Variants in MDN1 observed in about 807,000 individuals in gnomAD.
MDN1 encodes midasin AAA ATPase 1.
In MDN1, 266 loss-of-function variants were observed where a neutral mutation model predicts 669.2. The ratio of observed to expected loss-of-function variants is 0.40; its 90% CI spans 0.36 to 0.44. The LOEUF is 0.44. Among genes scored for constraint, MDN1 ranks in the 20% least tolerant of loss-of-function variants. The pLI, the probability that MDN1 is intolerant of heterozygous loss-of-function variation, is 1.00. For synonymous variants in MDN1, 2,385 were observed against 2,457.1 expected (o/e 0.97, Z 0.87); for missense variants, 5,940 against 6,754.0 (o/e 0.88, Z 4.22).
rs1283312452 is a variant in MDN1 at position 89,794,718 on chromosome 6, T to C, written c.413A>G (p.Tyr138Cys). The change falls in exon 3 of 102, where the codon TAT becomes TGT. Residue 138 changes from tyrosine to cysteine, a missense_variant. Tyr to Cys is a radical substitution (Grantham distance 194, BLOSUM62 -2). Coordinates refer to ENST00000369393, the MANE Select transcript of MDN1 (RefSeq NM_014611.3). ...LESSDANPVR[Y>C]GRRRMKLRDL... ...CCGGAGCTTCATCCTCCTACGTCCA[T>C]AGCGTACTGGATTAGCATCTGAACT... 3.1e-6 allele frequency: 5 copies of C among 1,614,066 alleles called. No homozygotes were observed. The highest frequency in any genetic ancestry group is 4.2e-6 in the Non-Finnish European group (5 of 1,180,036).
At chr6:89,757,230 A>G (rs1222778408) in intron 19 of MDN1, among the ~76,000 whole-genome samples, 1 of 152,220 alleles carries the variant, frequency 6.6e-6, no homozygotes, top group Admixed American at 6.5e-5. Context: ...TACATACATA[A>G]AACACCAACA....
chr6:89,662,674 G>GA (rs924058829), intron 86 of MDN1, 118 bp downstream of exon 86: 29 of 1,208,418 alleles, frequency 2.4e-5, no homozygotes, highest in Non-Finnish European at 3.0e-5. Context: ...AAGAGGAATA[G>GA]AAAAAAGAGA....
chr6:89,736,821 C>T (rs920456580), intron 33 of MDN1, among the ~76,000 whole-genome samples: 1 of 152,124 alleles, frequency 6.6e-6, no homozygotes, highest in African/African-American at 2.4e-5. Context: ...CTGTATTATA[C>T]TTCTTCTTTT....
chr6:89,708,809 GC>G (rs765984333), intron 50 of MDN1, among the ~76,000 whole-genome samples, 181 bp from the exon 51 acceptor site: 9 of 152,018 alleles, frequency 5.9e-5, no homozygotes, highest in South Asian at 2.1e-4. Flanking sequence ...GGGTTTAATA[GC>G]TTTTACACTC....
intron 11 of MDN1, 84 bp downstream of exon 11, chr6:89,780,128 T>C (rs989027814): frequency 1.3e-5 from 9 of 717,162 alleles, no homozygotes; most frequent in Non-Finnish European, 2.0e-5. Flanking sequence ...AAAAGTCTGA[T>C]GGCAATCAAA....
rs1175424996 is a variant in MDN1 at position 89,646,526 on chromosome 6, G to C, written c.16459+14C>G. ...AAAGCATTTTGTTAATGAAGAGGAA[G>C]GCATGCAGCTCACCTGAACTGATGT... is the stretch of plus-strand genomic sequence containing the variant. On this transcript the variant is annotated intron_variant, in intron 100 of 101. Coordinates refer to ENST00000369393, the MANE Select transcript of MDN1 (RefSeq NM_014611.3). 6.2e-7 allele frequency: 1 copy of C among 1,612,428 alleles called. No individual in the cohort carries two copies. The highest frequency in any genetic ancestry group is 1.7e-5 in the Admixed American group (1 of 59,926).
Position 89,677,606 on chromosome 6 carries a change from A to G in MDN1, c.12503T>C (p.Leu4168Ser), listed in dbSNP as rs770581856. Residue 4168 changes from leucine (L) to serine (S), a missense_variant, in exon 76 of 102, where the codon TTG (leucine) becomes TCG (serine). By Grantham distance (145) the Leu-to-Ser change is moderately radical. Around this residue, in one of 5 missense-constraint regions of MDN1, gnomAD observed 2,280 missense variants for 2,576.3 expected, o/e 0.88. Coordinates refer to ENST00000369393, the MANE Select transcript of MDN1 (RefSeq NM_014611.3). Reference sequence around the variant, plus strand: ...CTCCTGAGTGCTGCTGACGATGGACAATGCGCTCTGGAGATCTAATGGGTG... The same window carrying G: ...CTCCTGAGTGCTGCTGACGATGGACGATGCGCTCTGGAGATCTAATGGGTG... ...HLHPLDLQSA[L>S]SIVSSTQEAD... 1 of 1,614,236 alleles carries G rather than the reference A, an allele frequency of 6.2e-7. No homozygotes were observed. Among genetic ancestry groups the G allele is most frequent in the South Asian group, 1.1e-5 (1 of 91,084 alleles).
chr6:89,657,222 A>G (rs1584101633), intron 90 of MDN1, among the ~76,000 whole-genome samples: 1 of 151,912 alleles, frequency 6.6e-6, no homozygotes, highest in Non-Finnish European at 1.5e-5. Flanking sequence ...GGGGACATAG[A>G]GAGGACTTTC....
intron 90 of MDN1, among the ~76,000 whole-genome samples, chr6:89,657,024 C>A (rs989634700): frequency 2.0e-5 from 3 of 152,168 alleles, no homozygotes; most frequent in African/African-American, 7.2e-5. Context: ...CTCTCAGGGG[C>A]CTTTGTAAGG....
In MDN1 at chr6:89,754,136, G is replaced by A. The variant is rs771062220; in HGVS notation, c.2911C>T (p.Leu971=). 5 of 1,613,950 alleles carry A rather than the reference G, an allele frequency of 3.1e-6. No homozygotes were observed. In the Admixed American group the frequency reaches 8.3e-5, roughly 27 times the overall value. ...HYSLRTLCRA[L]RFAASNPCGN... ...CATGGATTGGAGGCTGCAAATCGCA[G>A]GGCCCGGCACAGAGTCCGAAGGCTG... The change falls in exon 21 of 102, where the codon CTG becomes TTG. Residue 971 remains leucine (L), a synonymous_variant. Coordinates refer to ENST00000369393, the MANE Select transcript of MDN1 (RefSeq NM_014611.3).
chr6:89,784,185 T>C (rs374584881), intron 9 of MDN1, among the ~76,000 whole-genome samples: 237 of 151,754 alleles, frequency 1.6e-3, no homozygotes, highest in African/African-American at 5.3e-3. Flanking sequence ...AAAGTGGTGG[T>C]GGGCACCTGT....
In MDN1 at chr6:89,646,601, A is replaced by G; in HGVS notation, c.16398T>C (p.Phe5466=). The G allele has an allele frequency of 1.2e-6, 2 of 1,613,984 alleles. No homozygotes were observed. The highest frequency in any genetic ancestry group is 1.7e-6 in the Non-Finnish European group (2 of 1,179,840). ...FQQKKTKIAQ[F]LESVANMFAA... ...CAAACATGTTGGCAACAGACTCTAG[A>G]AACTAAACCGGAACCAGGAATAGAC... is the stretch of plus-strand genomic sequence containing the variant. The change falls in exon 100 of 102, where the codon TTT becomes TTC. Residue 5466 remains phenylalanine, a splice_region_variant and synonymous_variant. Coordinates refer to ENST00000369393, the MANE Select transcript of MDN1 (RefSeq NM_014611.3).
intron 1 of MDN1, among the ~76,000 whole-genome samples, chr6:89,816,276 T>C (rs1283492182): frequency 2.0e-5 from 3 of 151,982 alleles, no homozygotes; most frequent in East Asian, 3.9e-4. Flanking sequence ...GGCAGGTGCC[T>C]GTAATCCCGG....
intron 29 of MDN1, among the ~76,000 whole-genome samples, chr6:89,744,873 C>A (rs1483972070): frequency 6.6e-6 from 1 of 151,996 alleles, no homozygotes. Context: ...CAGAGTGAGA[C>A]CCCATCTCCA....
intron 32 of MDN1, 73 bp downstream of exon 32, chr6:89,740,161 C>G (rs1009663342): frequency 1.6e-5 from 24 of 1,505,666 alleles, no homozygotes; most frequent in Non-Finnish European, 2.2e-5. Context: ...TCCATTATTA[C>G]ATACTATATT....
At position 89,803,340 on chromosome 6, in the gene MDN1, G is replaced by A. The variant is rs2128329216; in HGVS notation, c.317C>T (p.Pro106Leu). ...AATTGCTACTCACGGGAGGACATCA[G>A]GATGGTTACCAATGAGTTTGCTCAT... ...VSMSKLIGNH[P>L]DVLPFALRYF... The change falls in exon 2 of 102, where the codon CCT (proline) becomes CTT (leucine). Residue 106 changes from proline to leucine, a missense_variant. Coordinates refer to ENST00000369393, the MANE Select transcript of MDN1 (RefSeq NM_014611.3). 1.2e-6 allele frequency: 2 copies of A among 1,614,006 alleles called. No individual in the cohort carries two copies. Among genetic ancestry groups the A allele is most frequent in the Non-Finnish European group, 1.7e-6 (2 of 1,179,876 alleles).
At chr6:89,680,388 CAA>C (rs1299986352) in intron 74 of MDN1, among the ~76,000 whole-genome samples, 199 bp downstream of exon 74, 1 of 152,214 alleles carries the variant, frequency 6.6e-6, no homozygotes, top group African/African-American at 2.4e-5. Flanking sequence ...GAGAGGACGA[CAA>C]TGTGAAAATT....
At position 89,754,148 on chromosome 6, in the gene MDN1, G is replaced by A; in HGVS notation, c.2899C>T (p.Leu967=). 1 of 1,614,160 alleles carries A rather than the reference G, an allele frequency of 6.2e-7. No homozygotes were observed. The highest frequency in any genetic ancestry group is 8.5e-7 in the Non-Finnish European group (1 of 1,180,020). ...GCTGCAAATCGCAGGGCCCGGCACA[G>A]AGTCCGAAGGCTGTAGTGAGGTCTA... ...GHRPHYSLRT[L]CRALRFAASN... is the part of the protein sequence containing the mutation. Residue 967 remains leucine, a synonymous_variant, in exon 21 of 102, where the codon CTG becomes TTG. Transcript: ENST00000369393.
chr6:89,715,154 C>T (rs917115332), intron 45 of MDN1, among the ~76,000 whole-genome samples: 1 of 152,164 alleles, frequency 6.6e-6, no homozygotes, highest in Non-Finnish European at 1.5e-5. Context: ...TGATGTATGT[C>T]TGAAAGTAAA....
Sources: gnomAD v4.1 joint callset for allele counts (sites outside exome capture counted in the v4.1 genomes callset) on GRCh38, gnomAD v4.1.1 for gene constraint, gnomAD v4.1.1 regional missense constraint, MANE v1.5 for transcripts, NCBI Gene and HGNC (gene_info 2026-07-23, HGNC 2026-07-21) for gene names.